Variants in HIVEP2 observed in about 807,000 individuals in gnomAD.
HIVEP2 encodes transcription factor HIVEP2.
Under a neutral mutation model 180.7 loss-of-function variants are expected in HIVEP2, and 14 were observed. That is an observed-to-expected ratio of 0.08 (90% CI 0.05 to 0.12). HIVEP2 has a LOEUF of 0.12. Ranked by LOEUF, HIVEP2 falls within the 10% of genes least tolerant of loss-of-function variation. The pLI, the probability that HIVEP2 is intolerant of heterozygous loss-of-function variation, is 1.00. For synonymous variants in HIVEP2, 1,184 were observed against 1,136.4 expected (o/e 1.04, Z -0.84); for missense variants, 2,579 against 3,008.5 (o/e 0.86, Z 3.34).
At chr6:142,785,276 A>G (rs143388390) in intron 2 of HIVEP2, among the ~76,000 whole-genome samples, 2 of 132,432 alleles carry the variant, frequency 1.5e-5, no homozygotes, top group East Asian at 4.6e-4. Flanking sequence ...CACAAAAACT[A>G]TAATCTAGGC....
At position 142,768,411 on chromosome 6, in the gene HIVEP2, C is replaced by T; in HGVS notation, c.5313G>A (p.Glu1771=). The T allele has an allele frequency of 6.2e-7, 1 of 1,611,576 alleles. No individual in the cohort carries two copies. The highest frequency in any genetic ancestry group is 8.5e-7 in the Non-Finnish European group (1 of 1,179,204). ...GDKDIGSKQT[E]PIRIKIFEGG... ...CTTCAAATATTTTAATTCGGATTGGCTCAGTTTGTTTGGATCCAATATCTT... is the reference window on the plus strand; with the variant it reads ...CTTCAAATATTTTAATTCGGATTGGTTCAGTTTGTTTGGATCCAATATCTT... The change falls in exon 6 of 10, where the codon GAG becomes GAA. Residue 1771 remains glutamate, a synonymous_variant. Coordinates refer to ENST00000367603, the MANE Select transcript of HIVEP2 (RefSeq NM_006734.4).
chr6:142,853,250 G>A (rs12525545), intron 1 of HIVEP2, among the ~76,000 whole-genome samples: 3 of 152,156 alleles, frequency 2.0e-5, no homozygotes, highest in African/African-American at 7.2e-5. Flanking sequence ...AATCCAGCTT[G>A]TCTGCCCTCT....
In HIVEP2 at chr6:142,774,366, GC is replaced by G; in HGVS notation, c.372del (p.Trp124CysfsTer35). ...KPHQSLEGPP[W>X]LFPGPLPSVA... ...ACGGATGGCAAAGGGCCAGGGAAAA[GC>G]CACGGAGGACCTTCGAGGCTCTGAT... On this transcript the variant is annotated frameshift_variant, in exon 5 of 10. Transcript: ENST00000367603. LOFTEE classifies it high-confidence loss of function. The surrounding 1 kb of genome is among the most constrained non-coding windows in gnomAD (Gnocchi z 5.1). 1 of 1,614,214 alleles carries G rather than the reference GC, an allele frequency of 6.2e-7. No individual in the cohort carries two copies. Among genetic ancestry groups the G allele is most frequent in the Non-Finnish European group, 8.5e-7 (1 of 1,180,046 alleles).
intron 1 of HIVEP2, among the ~76,000 whole-genome samples, chr6:142,920,846 C>T (rs1359260919): frequency 2.0e-5 from 3 of 151,956 alleles, no homozygotes; most frequent in Non-Finnish European, 4.4e-5. Context: ...AGCTGGGAAT[C>T]GGAGCACATG....
chr6:142,756,874 CAG>C (rs1439479209), intron 9 of HIVEP2, among the ~76,000 whole-genome samples: 2 of 152,018 alleles, frequency 1.3e-5, no homozygotes, highest in African/African-American at 4.8e-5. Context: ...TTAAAACTAA[CAG>C]GGGCACTGGA....
intron 1 of HIVEP2, among the ~76,000 whole-genome samples, chr6:142,917,177 T>G (rs1158878980): frequency 1.3e-5 from 2 of 152,216 alleles, no homozygotes; most frequent in Non-Finnish European, 2.9e-5. Flanking sequence ...CAAAAACAAG[T>G]AAATAAAATT....
chr6:142,917,233 T>C (rs1240874833), intron 1 of HIVEP2, among the ~76,000 whole-genome samples: 3 of 152,208 alleles, frequency 2.0e-5, no homozygotes, highest in African/African-American at 7.2e-5. Context: ...TTATCACTAA[T>C]TCTCTCTTCT....
intron 2 of HIVEP2, among the ~76,000 whole-genome samples, chr6:142,796,175 T>G (rs1353065077): frequency 6.6e-6 from 1 of 152,162 alleles, no homozygotes; most frequent in Non-Finnish European, 1.5e-5. Flanking sequence ...AACTAAAACT[T>G]CCTGCTTCAC....
intron 7 of HIVEP2, among the ~76,000 whole-genome samples, chr6:142,764,178 A>G (rs1450769348): frequency 3.9e-5 from 6 of 152,226 alleles, no homozygotes; most frequent in Non-Finnish European, 8.8e-5. Context: ...CCTTGAGTAA[A>G]ATATTTTTAC....
At position 142,861,741 on chromosome 6, in the gene HIVEP2, A is replaced by G. The variant is rs369030043; in HGVS notation, c.-640-24694T>C. On this transcript the variant is annotated intron_variant, in intron 1 of 9. Transcript: ENST00000367603. ...CTAAGTTCAAAGTTGTCAGTCCCAC[A>G]CTTTCAAATTATAAATAGATAAAAC... Among the ~76,000 whole-genome samples, 12 of 152,298 alleles carry G rather than the reference A, an allele frequency of 7.9e-5. No homozygotes were observed. The South Asian group carries it at 1.7e-3, about 21-fold the overall frequency.
intron 1 of HIVEP2, among the ~76,000 whole-genome samples, chr6:142,912,831 C>G (rs1181136865): frequency 6.6e-6 from 1 of 152,130 alleles, no homozygotes; most frequent in Non-Finnish European, 1.5e-5. Flanking sequence ...TTCCTGGTGC[C>G]AAAAAGGTTG....
At chr6:142,877,972 G>T (rs1215680321) in intron 1 of HIVEP2, among the ~76,000 whole-genome samples, 3 of 152,176 alleles carry the variant, frequency 2.0e-5, no homozygotes, top group Non-Finnish European at 4.4e-5. Context: ...GTGTTTCTGT[G>T]TGTGTGTATG....
intron 2 of HIVEP2, among the ~76,000 whole-genome samples, chr6:142,833,180 A>AC (rs971674210): frequency 3.2e-4 from 48 of 151,682 alleles, no homozygotes; most frequent in African/African-American, 1.0e-3. Flanking sequence ...ACTAAAACCA[A>AC]CCCCCCCACC....
Position 142,770,718 on chromosome 6 carries a change from G to C in HIVEP2, c.4021C>G (p.His1341Asp). Residue 1341 changes from histidine (H) to aspartate (D), a missense_variant, in exon 5 of 10, where the codon CAC becomes GAC. Around this residue, in one of 11 missense-constraint regions of HIVEP2, gnomAD observed 523 missense variants for 577.0 expected, o/e 0.91. Transcript: ENST00000367603. This position sits in a 1 kb window ranked among gnomAD's most constrained non-coding sequence, Gnocchi z 4.7. ...ATGACACTTCCATAGGATGGTACGT[G>C]CGTCTGGATCCGAACAGGAACCACT... ...GTVVPVRIQT[H>D]VPSYGSVMYT... The C allele has an allele frequency of 6.2e-7, 1 of 1,614,166 alleles. No homozygotes were observed. Among genetic ancestry groups the C allele is most frequent in the Non-Finnish European group, 8.5e-7 (1 of 1,180,014 alleles).
At chr6:142,856,017 TG>T (rs796188164) in intron 1 of HIVEP2, among the ~76,000 whole-genome samples, 2 of 152,324 alleles carry the variant, frequency 1.3e-5, no homozygotes, top group African/African-American at 4.8e-5. Context: ...AAATTATGCT[TG>T]TTTGCTGGTT....
intron 1 of HIVEP2, among the ~76,000 whole-genome samples, chr6:142,887,203 A>G (rs1377080802): frequency 6.6e-6 from 1 of 152,210 alleles, no homozygotes; most frequent in Non-Finnish European, 1.5e-5. Context: ...GCTTTATTTC[A>G]TAAGGTTTCA....
chr6:142,810,642 A>C (rs1340179087), intron 2 of HIVEP2, among the ~76,000 whole-genome samples: 2 of 151,838 alleles, frequency 1.3e-5, no homozygotes, highest in Non-Finnish European at 2.9e-5. Flanking sequence ...CATACTTGTA[A>C]TCCCAGCTAC....
chr6:142,822,651 C>T (rs1231337016), intron 2 of HIVEP2, among the ~76,000 whole-genome samples: 2 of 152,178 alleles, frequency 1.3e-5, no homozygotes, highest in Non-Finnish European at 2.9e-5. Context: ...GAGCCCCAGC[C>T]TAGGTAAATA....
At chr6:142,813,141 T>C (rs1776740954) in intron 2 of HIVEP2, among the ~76,000 whole-genome samples, 1 of 152,182 alleles carries the variant, frequency 6.6e-6, no homozygotes, top group African/African-American at 2.4e-5. Flanking sequence ...TTTCTATTGA[T>C]GGATATATAC....
Sources: allele counts gnomAD v4.1 joint callset (sites outside exome capture counted in the v4.1 genomes callset), GRCh38; gene constraint gnomAD v4.1.1; regional missense constraint gnomAD v4.1.1; non-coding constraint Gnocchi (gnomAD v3.1); transcripts MANE v1.5; gene names NCBI Gene and HGNC (gene_info 2026-07-23, HGNC 2026-07-21).